Variants in SEMA3A observed in about 807,000 individuals in gnomAD.
The protein encoded by SEMA3A is semaphorin 3A, also known as semaphorin-3A.
A neutral mutation model predicts 97.9 loss-of-function variants in SEMA3A; 29 were observed. The ratio of observed to expected loss-of-function variants is 0.30; its 90% confidence interval spans 0.22 to 0.40. The LOEUF is 0.40. SEMA3A is among the 10% of genes least tolerant of loss of function. The pLI, the probability that SEMA3A is intolerant of heterozygous loss-of-function variation, is 1.00. For synonymous variants in SEMA3A, 321 were observed against 323.7 expected, an observed-to-expected ratio of 0.99 and a Z score of 0.09; for missense variants, 763 against 951.3, an observed-to-expected ratio of 0.80 and a Z score of 2.60.
At chr7:84,020,165 C>T (rs1350938499) in intron 6 of SEMA3A, among the ~76,000 whole-genome samples, 2 of 149,528 alleles carry the variant, frequency 1.3e-5, no homozygotes, top group Admixed American at 1.3e-4. Context: ...CCTGCCTCAG[C>T]CTCCCAAGTA....
At chr7:84,148,871 A>C (rs1424335212) in intron 1 of SEMA3A, among the ~76,000 whole-genome samples, 1 of 152,172 alleles carries the variant, frequency 6.6e-6, no homozygotes, top group Non-Finnish European at 1.5e-5. Flanking sequence ...TCCTTTCTCT[A>C]GCTTACTTCA....
At chr7:84,211,482 ATGCTGGTGCATGCC>A (rs1303142237) in intron 3 of SEMA3A, among the ~76,000 whole-genome samples, 2 of 151,736 alleles carry the variant, frequency 1.3e-5, no homozygotes, top group Non-Finnish European at 2.9e-5. Flanking sequence ...TTAGTCGGGC[ATGCTGGTGCATGCC>A]TGTAATCCCA....
chr7:84,240,914 G>A (rs913198553), intron 3 of SEMA3A, among the ~76,000 whole-genome samples: 3 of 152,032 alleles, frequency 2.0e-5, no homozygotes, highest in Admixed American at 6.6e-5. Flanking sequence ...CTTCATCCAC[G>A]TCCCTTCAAA....
intron 2 of SEMA3A, among the ~76,000 whole-genome samples, chr7:84,131,422 T>C (rs1795958072): frequency 6.6e-6 from 1 of 152,176 alleles, no homozygotes; most frequent in Admixed American, 6.5e-5. Context: ...TTTTCATCCT[T>C]ATGCCTCTAC....
chr7:84,283,657 T>TC (rs1243494673), intron 3 of SEMA3A, among the ~76,000 whole-genome samples: 1 of 152,112 alleles, frequency 6.6e-6, no homozygotes, highest in Non-Finnish European at 1.5e-5. Context: ...CAGGGTTTTT[T>TC]CCACATAATT....
intron 1 of SEMA3A, among the ~76,000 whole-genome samples, chr7:84,385,561 A>C (rs620373): frequency 0.11 from 17,209 of 152,132 alleles, 1,765 homozygotes; most frequent in East Asian, 0.35. Flanking sequence ...ACATACCCAG[A>C]TCTTTCTATC....
intron 1 of SEMA3A, among the ~76,000 whole-genome samples, chr7:84,167,082 G>C (rs1032957301): frequency 2.1e-5 from 1 of 47,214 alleles, no homozygotes; most frequent in Admixed American, 2.8e-4. Context: ...ATGTAGGACT[G>C]ATGTATGGCA....
chr7:84,178,905 C>T (rs145945509), intron 1 of SEMA3A, among the ~76,000 whole-genome samples: 85 of 152,260 alleles, frequency 5.6e-4, no homozygotes, highest in African/African-American at 1.9e-3. Flanking sequence ...TCTTGCTTTT[C>T]ATTCATTCTA....
intron 12 of SEMA3A, among the ~76,000 whole-genome samples, chr7:83,999,343 T>A (rs1248575960): frequency 6.6e-6 from 1 of 152,088 alleles, no homozygotes; most frequent in Non-Finnish European, 1.5e-5. Context: ...AATATAAACT[T>A]AAAATCCCTG....
intron 3 of SEMA3A, among the ~76,000 whole-genome samples, chr7:84,238,659 T>C (rs532964514): frequency 2.6e-5 from 4 of 152,238 alleles, no homozygotes; most frequent in African/African-American, 9.6e-5. Context: ...TACAAAACTG[T>C]TTGCAAAAGT....
At chr7:84,189,966 C>G (rs1408828878) in intron 1 of SEMA3A, among the ~76,000 whole-genome samples, 1 of 151,474 alleles carries the variant, frequency 6.6e-6, no homozygotes, top group African/African-American at 2.4e-5. Context: ...AATAGTAGAA[C>G]TCTAGAAATC....
chr7:84,317,507 T>G (rs1801538228), intron 2 of SEMA3A, among the ~76,000 whole-genome samples: 1 of 152,196 alleles, frequency 6.6e-6, no homozygotes, highest in Non-Finnish European at 1.5e-5. Context: ...TCTTTTTATA[T>G]TTTAACTTAT....
At chr7:84,068,226 G>A (rs188817905) in intron 4 of SEMA3A, among the ~76,000 whole-genome samples, 4 of 144,596 alleles carry the variant, frequency 2.8e-5, no homozygotes, top group African/African-American at 1.1e-4. Context: ...TGAACAATGA[G>A]ATCACATGTA....
chr7:84,002,056 A>C lies in SEMA3A; in HGVS notation c.1361-10T>G. 1 of 1,540,614 alleles carries C rather than the reference A, an allele frequency of 6.5e-7. No individual in the cohort carries two copies. Among genetic ancestry groups the C allele is most frequent in the Non-Finnish European group, 9.0e-7 (1 of 1,115,854 alleles). Reference sequence around the variant, plus strand: ...AGAACGGTCCCAACATCTTTGAAAGAAAGTGGGGAGAAGACCACAAGTTAA... The same window carrying C: ...AGAACGGTCCCAACATCTTTGAAAGCAAGTGGGGAGAAGACCACAAGTTAA... On this transcript the variant is annotated splice_polypyrimidine_tract_variant and intron_variant, in intron 11 of 16. Coordinates refer to ENST00000265362, the MANE Select transcript of SEMA3A (RefSeq NM_006080.3).
At chr7:84,209,872 T>C (rs979823123) in intron 3 of SEMA3A, among the ~76,000 whole-genome samples, 6 of 152,196 alleles carry the variant, frequency 3.9e-5, no homozygotes, top group African/African-American at 1.4e-4. Flanking sequence ...TACATGCTTC[T>C]GACATTAAAA....
intron 1 of SEMA3A, among the ~76,000 whole-genome samples, chr7:84,490,858 C>A (rs760948145): frequency 4.6e-5 from 7 of 152,136 alleles, no homozygotes; most frequent in Non-Finnish European, 7.4e-5. Context: ...TATGTGTGAA[C>A]TGTACTCTAT....
intron 3 of SEMA3A, among the ~76,000 whole-genome samples, chr7:84,258,502 T>G (rs760691667): frequency 1.1e-4 from 17 of 152,222 alleles, no homozygotes; most frequent in Non-Finnish European, 2.5e-4. Context: ...TTCAATATTA[T>G]GCTCTCATCC....
chr7:84,128,296 A>G (rs916517183), intron 3 of SEMA3A, among the ~76,000 whole-genome samples: 1 of 152,116 alleles, frequency 6.6e-6, no homozygotes, highest in Non-Finnish European at 1.5e-5. Context: ...AAGAAAAAAG[A>G]TGGAGAAGGA....
At chr7:84,478,868 A>T (rs1806370522) in intron 1 of SEMA3A, among the ~76,000 whole-genome samples, 1 of 152,018 alleles carries the variant, frequency 6.6e-6, no homozygotes, top group Non-Finnish European at 1.5e-5. Flanking sequence ...AATATTATTT[A>T]TTTTTTATAA....
Sources: allele counts gnomAD v4.1 joint callset (sites outside exome capture counted in the v4.1 genomes callset), GRCh38; gene constraint gnomAD v4.1.1; transcripts MANE v1.5; gene names NCBI Gene and HGNC (gene_info 2026-07-23, HGNC 2026-07-21).